The following PCDHGA2 variants were observed in gnomAD, a reference collection of about 807,000 sequenced individuals.
The protein encoded by PCDHGA2 is protocadherin gamma-A2.
Under a neutral mutation model 59.2 loss-of-function variants are expected in PCDHGA2, and 40 were observed. That is an observed-to-expected ratio of 0.68 (90% CI 0.52 to 0.88). PCDHGA2 has a LOEUF of 0.88. Among genes scored for constraint, PCDHGA2 ranks in the 40% least tolerant of loss-of-function variants. PCDHGA2 has a pLI of 0.00. For synonymous variants in PCDHGA2, 560 were observed against 526.0 expected (o/e 1.06, Z -0.89); for missense variants, 1,226 against 1,204.0 (o/e 1.02, Z -0.27).
chr5:141,389,215 A>G (rs2150378532), intron 1 of PCDHGA2: 1 of 1,614,010 alleles, frequency 6.2e-7, no homozygotes, highest in Non-Finnish European at 8.5e-7. Flanking sequence ...GGTGATGTAA[A>G]TGACAACGCT....
At chr5:141,370,572 GA>G in intron 1 of PCDHGA2, 9 of 1,613,960 alleles carry the variant, frequency 5.6e-6, no homozygotes, top group Non-Finnish European at 7.6e-6. Context: ...TGGCGTGGGG[GA>G]TTTACCTACT....
At chr5:141,435,941 A>G (rs1354198135) in intron 1 of PCDHGA2, among the ~76,000 whole-genome samples, 1 of 152,170 alleles carries the variant, frequency 6.6e-6, no homozygotes, top group Non-Finnish European at 1.5e-5. Flanking sequence ...TGCTTCTGAG[A>G]CCAAAAAAGG....
chr5:141,497,240 GA>G (rs1221446648), intron 2 of PCDHGA2, among the ~76,000 whole-genome samples: 125 of 152,188 alleles, frequency 8.2e-4, no homozygotes, highest in African/African-American at 3.0e-3. Flanking sequence ...AGGCTTCTAG[GA>G]GGAGGTGACA....
intron 1 of PCDHGA2, among the ~76,000 whole-genome samples, chr5:141,450,899 A>G (rs1045595271): frequency 1.0e-4 from 15 of 149,514 alleles, no homozygotes; most frequent in African/African-American, 3.7e-4. Context: ...ATATCGGCTC[A>G]CTGCAACCGC....
chr5:141,361,081 A>AC (rs1470194517), intron 1 of PCDHGA2: 1 of 1,613,830 alleles, frequency 6.2e-7, no homozygotes, highest in Non-Finnish European at 8.5e-7. Context: ...AAGTAGTTAC[A>AC]CTCTGAGTAT....
intron 1 of PCDHGA2, chr5:141,344,754 A>G (rs1365103964): frequency 6.2e-7 from 1 of 1,613,796 alleles, no homozygotes; most frequent in Non-Finnish European, 8.5e-7. Flanking sequence ...CAACCCACCA[A>G]TGTTTACTCA....
intron 2 of PCDHGA2, among the ~76,000 whole-genome samples, chr5:141,503,075 G>C (rs1373753092): frequency 6.6e-6 from 1 of 151,438 alleles, no homozygotes; most frequent in Non-Finnish European, 1.5e-5. Context: ...GAATGGTCTC[G>C]ATCTCCTGAC....
At chr5:141,482,809 T>C (rs1295469639) in intron 1 of PCDHGA2, among the ~76,000 whole-genome samples, 1 of 152,170 alleles carries the variant, frequency 6.6e-6, no homozygotes, top group Non-Finnish European at 1.5e-5. Flanking sequence ...CGGTGGCTCA[T>C]GCCTGTAATC....
chr5:141,417,862 G>C, intron 1 of PCDHGA2: 1 of 1,550,466 alleles, frequency 6.4e-7, no homozygotes, highest in Non-Finnish European at 8.7e-7. Flanking sequence ...AGCGAACGAT[G>C]GGAGGGAGCT....
chr5:141,384,237 C>T, intron 1 of PCDHGA2: 2 of 1,613,888 alleles, frequency 1.2e-6, no homozygotes, highest in East Asian at 2.2e-5. Flanking sequence ...CAGACACCAA[C>T]GATAACCCAC....
intron 2 of PCDHGA2, among the ~76,000 whole-genome samples, chr5:141,503,614 A>G (rs1595875970): frequency 6.6e-6 from 1 of 151,640 alleles, no homozygotes; most frequent in South Asian, 2.1e-4. Flanking sequence ...AAAAAAAAAA[A>G]GAAAAAAGAA....
Position 141,485,842 on chromosome 5 carries a change from T to G in PCDHGA2, c.2425-8965T>G. 4 of 1,614,002 alleles carry G rather than the reference T, an allele frequency of 2.5e-6. No homozygotes were observed. The highest frequency in any genetic ancestry group is 3.4e-6 in the Non-Finnish European group (4 of 1,179,982). On this transcript the variant is annotated intron_variant, in intron 1 of 3. Coordinates refer to ENST00000394576, the MANE Select transcript of PCDHGA2 (RefSeq NM_018915.4). The surrounding 1 kb of genome is among the most constrained non-coding windows in gnomAD (Gnocchi z 5.7). ...TCGATGGAGGGAACCCGCCGAGATC[T>G]GGCACCGCAGAGCTCCGGGTATCCG...
At chr5:141,341,724 A>T in intron 1 of PCDHGA2, 1 of 441,062 alleles carries the variant, frequency 2.3e-6, no homozygotes, top group Non-Finnish European at 4.0e-6. Flanking sequence ...CAGATCAACA[A>T]TTTTTTCTTT....
rs2097718776 is a variant in PCDHGA2, at chr5:141,434,813, T to C, written c.2425-59994T>C. On this transcript the variant is annotated intron_variant, in intron 1 of 3. Coordinates refer to ENST00000394576, the MANE Select transcript of PCDHGA2 (RefSeq NM_018915.4). ...TTTTTTCTGAGCTTGGAGAAATATA[T>C]CCCTTAGTACACTTGGCATTTATAA... Among the ~76,000 whole-genome samples, 5 of 151,962 alleles carry C rather than the reference T, an allele frequency of 3.3e-5. No individual in the cohort carries two copies. In the South Asian group the frequency reaches 1.0e-3, roughly 32 times the overall value.
In PCDHGA2 at chr5:141,339,608, G is replaced by A. The variant is rs1233902652; in HGVS notation, c.637G>A (p.Val213Met). 1.2e-6 allele frequency: 2 copies of A among 1,614,190 alleles called. No individual in the cohort carries two copies. The highest frequency in any genetic ancestry group is 1.7e-5 in the Admixed American group (1 of 60,032). Residue 213 changes from valine (V) to methionine (M), a missense_variant, in exon 1 of 4, where the codon GTG becomes ATG. Coordinates refer to ENST00000394576, the MANE Select transcript of PCDHGA2 (RefSeq NM_018915.4). ...EEEAVHHLVL[V>M]ASDGGDPVLS... ...AGAGGCTGTTCACCACCTCGTTCTCGTGGCTTCTGATGGGGGTGACCCAGT... is the reference window on the plus strand; with the variant it reads ...AGAGGCTGTTCACCACCTCGTTCTCATGGCTTCTGATGGGGGTGACCCAGT...
At chr5:141,370,694 G>A (rs1213038173) in intron 1 of PCDHGA2, 20 of 1,613,794 alleles carry the variant, frequency 1.2e-5, no homozygotes, top group Non-Finnish European at 1.6e-5. Flanking sequence ...GCAAGAAGTC[G>A]ACGTGTGTTC....
chr5:141,399,719 G>C (rs773556952), intron 1 of PCDHGA2: 1 of 1,613,286 alleles, frequency 6.2e-7, no homozygotes, highest in Non-Finnish European at 8.5e-7. Context: ...CTACAGGCCC[G>C]CGACCAGGGC....
intron 1 of PCDHGA2, among the ~76,000 whole-genome samples, chr5:141,438,976 C>T (rs2098079529): frequency 6.6e-6 from 1 of 151,928 alleles, no homozygotes; most frequent in Non-Finnish European, 1.5e-5. Context: ...AACTGTCTGA[C>T]TTATCTTAAA....
At chr5:141,509,845 C>G (rs1021433327) in intron 3 of PCDHGA2, among the ~76,000 whole-genome samples, 1 of 152,190 alleles carries the variant, frequency 6.6e-6, no homozygotes, top group African/African-American at 2.4e-5. Context: ...CCCATTCACT[C>G]AGAACAGGGA....
Sources: allele counts gnomAD v4.1 joint callset (sites outside exome capture counted in the v4.1 genomes callset), GRCh38; gene constraint gnomAD v4.1.1; non-coding constraint Gnocchi (gnomAD v3.1); transcripts MANE v1.5; gene names NCBI Gene and HGNC (gene_info 2026-07-23, HGNC 2026-07-21).